The following ZNF81 variants were observed in gnomAD, a reference collection of about 807,000 sequenced individuals.
ZNF81 encodes the protein zinc finger protein 81.
In ZNF81, 5 loss-of-function variants were observed where a neutral mutation model predicts 32.3. That is an observed-to-expected ratio of 0.15 (90% CI 0.08 to 0.33). The LOEUF (loss-of-function observed/expected upper bound fraction) is 0.33. ZNF81 is among the 10% of genes least tolerant of loss of function. The probability of loss-of-function intolerance (pLI) is 1.00; values close to 1 mark genes in which losing one functional copy is unlikely to be tolerated. For missense variants in ZNF81, 379 were observed against 479.8 expected (o/e 0.79, Z 1.96); for synonymous variants, 163 against 166.8 (o/e 0.98, Z 0.17).
intron 2 of ZNF81, among the ~76,000 whole-genome samples, chrX:47,848,009 G>A (rs1330556507): frequency 2.7e-5 from 3 of 109,534 alleles, no homozygotes; most frequent in Admixed American, 9.7e-5. Context: ...CCACCTCCTG[G>A]GTTCACACCA....
At chrX:47,876,053 A>G (rs1240827979) in intron 2 of ZNF81, among the ~76,000 whole-genome samples, 1 of 112,074 alleles carries the variant, frequency 8.9e-6, no homozygotes, top group East Asian at 2.8e-4. Context: ...TCTCTGTGAT[A>G]AGCAGGTAGT....
intron 4 of ZNF81, among the ~76,000 whole-genome samples, chrX:47,902,910 C>T (rs1430717762): frequency 1.8e-5 from 2 of 111,582 alleles, no homozygotes; most frequent in African/African-American, 3.3e-5. Context: ...AAAATTAACG[C>T]AAATCAATAA....
At chrX:47,878,702 A>G (rs2058609503) in intron 2 of ZNF81, among the ~76,000 whole-genome samples, 1 of 112,762 alleles carries the variant, frequency 8.9e-6, no homozygotes, top group Non-Finnish European at 1.9e-5. Context: ...TTTAGTCAAC[A>G]TATTCACTGC....
chrX:47,904,536 T>A (rs2058712774), intron 4 of ZNF81, among the ~76,000 whole-genome samples: 1 of 109,082 alleles, frequency 9.2e-6, no homozygotes, highest in Non-Finnish European at 1.9e-5. Flanking sequence ...CCAGTTAGAA[T>A]GGCAATCATT....
At chrX:47,862,523 CAAA>C (rs5902400) in intron 2 of ZNF81, among the ~76,000 whole-genome samples, 6 of 76,620 alleles carry the variant, frequency 7.8e-5, no homozygotes, top group Non-Finnish European at 5.1e-5. Context: ...GACTCCGTCT[CAAA>C]AAAAAAAAAA....
intron 2 of ZNF81, among the ~76,000 whole-genome samples, chrX:47,866,185 G>T (rs1217425428): frequency 8.9e-6 from 1 of 112,128 alleles, no homozygotes; most frequent in Non-Finnish European, 1.9e-5. Context: ...ACAGTTGCAA[G>T]TGTGCTGGCG....
At chrX:47,852,458 T>C (rs1181728037) in intron 2 of ZNF81, among the ~76,000 whole-genome samples, 4 of 112,287 alleles carry the variant, frequency 3.6e-5, no homozygotes, top group African/African-American at 6.5e-5. Context: ...TCTCAAACCC[T>C]GCCCCTGCTT....
At chrX:47,887,615 A>G (rs1556885946) in intron 2 of ZNF81, among the ~76,000 whole-genome samples, 1 of 111,870 alleles carries the variant, frequency 8.9e-6, no homozygotes, top group Non-Finnish European at 1.9e-5. Context: ...TGAAGAGTAA[A>G]TGAAAGCAAC....
At chrX:47,857,697 A>G in intron 2 of ZNF81, among the ~76,000 whole-genome samples, 1 of 111,120 alleles carries the variant, frequency 9.0e-6, no homozygotes, top group South Asian at 3.8e-4. Flanking sequence ...AATATTTTCC[A>G]TCTGAAAAAA....
intron 4 of ZNF81, among the ~76,000 whole-genome samples, chrX:47,902,147 G>GT (rs782320993): frequency 9.0e-6 from 1 of 111,134 alleles, no homozygotes; most frequent in Non-Finnish European, 1.9e-5. Flanking sequence ...TTCGACATAA[G>GT]TTTTTTTCAT....
chrX:47,903,498 T>G (rs1479578203), intron 4 of ZNF81, among the ~76,000 whole-genome samples: 18 of 71,104 alleles, frequency 2.5e-4, no homozygotes, highest in East Asian at 4.7e-4. Flanking sequence ...GAATCCAACT[T>G]ACAAGGGATG....
rs2058760668 is a variant in ZNF81, at chrX:47,917,264, A to G, written c.*632A>G. On this transcript the variant is annotated 3_prime_UTR_variant, in exon 5 of 5. Coordinates refer to ENST00000338637, the MANE Select transcript of ZNF81 (RefSeq NM_007137.5). ...AGTCACTTTGGTTTTATATATACAC[A>G]CATCTGCAGATATAATTTTATAAGA... The G allele has an allele frequency of 6.7e-6, 2 of 297,400 alleles. No individual in the cohort carries two copies. Among genetic ancestry groups the G allele is most frequent in the East Asian group, 9.5e-5 (2 of 21,065 alleles). The allele number at this position is 297,400 out of a possible 1,213,427, so 24.5% of individuals were successfully genotyped here. A position where few individuals can be genotyped will look rare whatever the true frequency, so the allele number is the denominator to read the frequency against.
chrX:47,873,653 AGTTT>A (rs1171049225), intron 2 of ZNF81, among the ~76,000 whole-genome samples: 4 of 110,701 alleles, frequency 3.6e-5, no homozygotes, highest in African/African-American at 9.9e-5. Flanking sequence ...AACGCAGTGG[AGTTT>A]GTTTGTTTGT....
Position 47,846,323 on chromosome X carries a change from TGAG to T in ZNF81, c.54+11_54+13del, listed in dbSNP as rs782784052. ...GGGGAACATGGCAGTGCCTGTGAGG[TGAG>T]GAGGAGGAAGAGGTGCCCAGGGATT... On this transcript the variant is annotated splice_donor_5th_base_variant and intron_variant, in intron 2 of 4. Transcript: ENST00000338637. 5.0e-6 allele frequency: 6 copies of T among 1,207,990 alleles called. No individual in the cohort carries two copies. Among genetic ancestry groups the T allele is most frequent in the Non-Finnish European group, 5.6e-6 (5 of 894,095 alleles).
At position 47,915,213 on chromosome X, in the gene ZNF81, C is replaced by T. The variant is rs201362916; in HGVS notation, c.567C>T (p.Pro189=). The T allele has an allele frequency of 5.0e-6, 6 of 1,207,016 alleles. No individual in the cohort carries two copies. Among genetic ancestry groups the T allele is most frequent in the Non-Finnish European group, 5.6e-6 (5 of 893,678 alleles). ...SPNLILSQKR[P]HKRDSFGKSF... ...ATCTCATTCTTTCACAGAAAAGACC[C>T]CATAAACGTGATTCATTTGGGAAGA... Residue 189 remains proline, a synonymous_variant, in exon 5 of 5, where the codon CCC becomes CCT. Coordinates refer to ENST00000338637, the MANE Select transcript of ZNF81 (RefSeq NM_007137.5).
At chrX:47,896,883 A>G (rs782006245) in intron 4 of ZNF81, among the ~76,000 whole-genome samples, 28 of 112,180 alleles carry the variant, frequency 2.5e-4, no homozygotes, top group Non-Finnish European at 5.1e-4. Flanking sequence ...TCATTTTGCA[A>G]TTCATCCATG....
chrX:47,889,237 A>G (rs955477828), intron 3 of ZNF81, among the ~76,000 whole-genome samples: 1 of 112,387 alleles, frequency 8.9e-6, no homozygotes, highest in Admixed American at 9.4e-5. Context: ...GATCCAATCA[A>G]CTGTCTCACT....
At chrX:47,912,609 C>T (rs1268377419) in intron 4 of ZNF81, among the ~76,000 whole-genome samples, 1 of 108,491 alleles carries the variant, frequency 9.2e-6, no homozygotes, top group Non-Finnish European at 1.9e-5. Context: ...TATAGGAAAC[C>T]TCATTGCTCA....
chrX:47,864,946 T>G (rs926437157), intron 2 of ZNF81, among the ~76,000 whole-genome samples: 1 of 112,074 alleles, frequency 8.9e-6, no homozygotes, highest in Non-Finnish European at 1.9e-5. Flanking sequence ...GTTACGACAG[T>G]GGCCTTGCAT....
Sources: gnomAD v4.1 joint callset for allele counts (sites outside exome capture counted in the v4.1 genomes callset) on GRCh38, gnomAD v4.1.1 for gene constraint, MANE v1.5 for transcripts, NCBI Gene and HGNC (gene_info 2026-07-23, HGNC 2026-07-21) for gene names.